The following C1orf146 variants were observed in gnomAD, a reference collection of about 807,000 sequenced individuals.
C1orf146 encodes the protein chromosome 1 open reading frame 146.
Under a neutral mutation model 23.0 loss-of-function variants are expected in C1orf146, and 22 were observed. The ratio of observed to expected loss-of-function variants is 0.96; its 90% confidence interval spans 0.68 to 1.36. C1orf146 has a LOEUF of 1.36. Among genes scored for constraint, C1orf146 ranks in the 40% most tolerant of loss-of-function variants. The pLI, the probability that C1orf146 is intolerant of heterozygous loss-of-function variation, is 0.00. For missense variants in C1orf146, 199 were observed against 206.8 expected (o/e 0.96, Z 0.23); for synonymous variants, 59 against 65.3 (o/e 0.90, Z 0.47).
At chr1:92,224,290 T>G (rs1037662573) in intron 1 of C1orf146, among the ~76,000 whole-genome samples, 16 of 150,482 alleles carry the variant, frequency 1.1e-4, no homozygotes, top group African/African-American at 3.9e-4. Context: ...CCTCATGATC[T>G]GCTCGCCTCA....
At chr1:92,227,978 C>G (rs1387244454) in intron 1 of C1orf146, among the ~76,000 whole-genome samples, 1 of 151,982 alleles carries the variant, frequency 6.6e-6, no homozygotes, top group East Asian at 1.9e-4. Context: ...TGTATTGGTC[C>G]TGCTCCATTC....
intron 1 of C1orf146, among the ~76,000 whole-genome samples, chr1:92,230,024 A>G (rs1240043046): frequency 6.6e-6 from 1 of 151,900 alleles, no homozygotes; most frequent in Non-Finnish European, 1.5e-5. Context: ...CTTAAATGCA[A>G]TTTTGTTTTA....
rs544068176 is a variant in C1orf146 at position 92,236,176 on chromosome 1, G to C, written c.66+4690G>C. On this transcript the variant is annotated intron_variant, in intron 2 of 5. Transcript: ENST00000370375. ...ATGATGTTAGCTGGTTATTTTGCTC[G>C]TTAGTTGATGCAGTTTCTTCCTAGT... Among the ~76,000 whole-genome samples the C allele has an allele frequency of 2.5e-3, 384 of 151,560 alleles. 3 individuals are homozygous for C. Among genetic ancestry groups the C allele is most frequent in the South Asian group, 9.5e-3 (45 of 4,742 alleles).
chr1:92,223,738 T>G (rs1455116187), intron 1 of C1orf146, among the ~76,000 whole-genome samples: 1 of 152,088 alleles, frequency 6.6e-6, no homozygotes, highest in Non-Finnish European at 1.5e-5. Context: ...TTCACCATGT[T>G]GGCCAGGATG....
intron 1 of C1orf146, among the ~76,000 whole-genome samples, chr1:92,226,824 A>G (rs1651980632): frequency 6.6e-6 from 1 of 151,898 alleles, no homozygotes; most frequent in African/African-American, 2.4e-5. Context: ...CCCTCAAGTT[A>G]TATGTTCTTT....
intron 2 of C1orf146, among the ~76,000 whole-genome samples, chr1:92,231,710 GTTTT>G (rs752241133): frequency 5.5e-5 from 8 of 145,536 alleles, no homozygotes; most frequent in African/African-American, 2.0e-4. Context: ...ATTTTCTAAA[GTTTT>G]TTTTTTTTTC....
In C1orf146 at chr1:92,244,349, C is replaced by T; in HGVS notation, c.293C>T (p.Pro98Leu). The T allele has an allele frequency of 6.2e-7, 1 of 1,610,592 alleles. No individual in the cohort carries two copies. ...GTTTTGTCTGCTGCCCTCCATGGGC[C>T]TGAAGAATGGAAACTGATGTTCAGG... Reference protein sequence around the residue: ...FLVLSAALHGPEEWKLMFRIQ... With the variant: ...FLVLSAALHGLEEWKLMFRIQ... The change falls in exon 4 of 6, where the codon CCT (proline) becomes CTT (leucine). Residue 98 changes from proline to leucine, a missense_variant. Coordinates refer to ENST00000370375, the MANE Select transcript of C1orf146 (RefSeq NM_001012425.2).
chr1:92,225,648 C>T (rs1034806667), intron 1 of C1orf146, among the ~76,000 whole-genome samples: 1 of 151,700 alleles, frequency 6.6e-6, no homozygotes. Context: ...GTTTGTATGA[C>T]TTTTGTTTCA....
intron 1 of C1orf146, among the ~76,000 whole-genome samples, chr1:92,227,948 A>C (rs1652009637): frequency 6.6e-6 from 1 of 151,820 alleles, no homozygotes; most frequent in Non-Finnish European, 1.5e-5. Flanking sequence ...TGGAAAATTG[A>C]CTTGGCCACT....
intron 1 of C1orf146, chr1:92,229,574 G>T: frequency 3.1e-6 from 1 of 318,948 alleles, no homozygotes. Context: ...AGCAGAGAAG[G>T]TCTTCCAACT....
Position 92,219,521 on chromosome 1 carries a change from T to TTTA in C1orf146, c.-40+1473_-40+1474insTTA, listed in dbSNP as rs1553129352. Among the ~76,000 whole-genome samples, 687 of 141,842 alleles carry TTTA rather than the reference T, an allele frequency of 4.8e-3. 6 individuals carry two copies. The highest frequency in any genetic ancestry group is 0.018 in the African/African-American group (641 of 35,012). The allele number at this position is 141,842 out of a possible 152,430, so 93.1% of individuals were successfully genotyped here. A position where few individuals can be genotyped will look rare whatever the true frequency, so the allele number is the denominator to read the frequency against. On this transcript the variant is annotated intron_variant, in intron 1 of 5. Transcript: ENST00000370375. ...CTTTTTTTTTTTTTTTTTTTTTTTT[T>TTTA]AAGACAGAGTCTCGCTCTATCACCC...
At chr1:92,220,431 G>A (rs921718841) in intron 1 of C1orf146, among the ~76,000 whole-genome samples, 1 of 152,150 alleles carries the variant, frequency 6.6e-6, no homozygotes, top group African/African-American at 2.4e-5. Flanking sequence ...ATCATAGAGT[G>A]TAATTACACA....
intron 1 of C1orf146, among the ~76,000 whole-genome samples, chr1:92,224,867 G>A (rs915458114): frequency 4.6e-5 from 7 of 151,522 alleles, no homozygotes; most frequent in Non-Finnish European, 1.0e-4. Flanking sequence ...CTCAGCCTCC[G>A]GAGTAGCTGG....
intron 1 of C1orf146, among the ~76,000 whole-genome samples, chr1:92,225,386 C>T (rs975082275): frequency 6.6e-6 from 1 of 152,184 alleles, no homozygotes; most frequent in Non-Finnish European, 1.5e-5. Context: ...GGATTACAGG[C>T]GTGAGCCACT....
intron 2 of C1orf146, among the ~76,000 whole-genome samples, chr1:92,237,687 T>G (rs565151172): frequency 7.2e-5 from 11 of 152,208 alleles, no homozygotes; most frequent in Admixed American, 2.0e-4. Flanking sequence ...CTGGGAGCTG[T>G]AGACAGGAGC....
intron 1 of C1orf146, among the ~76,000 whole-genome samples, chr1:92,225,931 GGA>G (rs1651954412): frequency 6.6e-6 from 1 of 152,116 alleles, no homozygotes; most frequent in South Asian, 2.1e-4. Context: ...ACATATAGTT[GGA>G]TTTTGGTTTG....
chr1:92,233,299 A>C (rs892389951), intron 2 of C1orf146, among the ~76,000 whole-genome samples: 1 of 151,314 alleles, frequency 6.6e-6, no homozygotes, highest in African/African-American at 2.4e-5. Flanking sequence ...AGGTGTAAGG[A>C]AGGGATCCAG....
chr1:92,238,092 C>T (rs1230918192), intron 2 of C1orf146, among the ~76,000 whole-genome samples: 1 of 151,974 alleles, frequency 6.6e-6, no homozygotes, highest in African/African-American at 2.4e-5. Flanking sequence ...ACCACGCCGG[C>T]TAATTTTTGT....
At chr1:92,245,272 A>G (rs1309237883) in intron 5 of C1orf146, among the ~76,000 whole-genome samples, 2 of 152,168 alleles carry the variant, frequency 1.3e-5, no homozygotes, top group African/African-American at 2.4e-5. Flanking sequence ...CCCCCTAGGC[A>G]GACTTAGGTC....
Sources: gnomAD v4.1 joint callset for allele counts (sites outside exome capture counted in the v4.1 genomes callset) on GRCh38, gnomAD v4.1.1 for gene constraint, MANE v1.5 for transcripts, NCBI Gene and HGNC (gene_info 2026-07-23, HGNC 2026-07-21) for gene names.